The following DSCAM variants were observed in gnomAD, a reference collection of about 807,000 sequenced individuals.
The protein encoded by DSCAM is cell adhesion molecule DSCAM.
A neutral mutation model predicts 217.7 loss-of-function variants in DSCAM; 47 were observed. The observed-to-expected ratio is 0.22, with a 90% CI of 0.17 to 0.28. The LOEUF is 0.28. Ranked by LOEUF, DSCAM falls within the 10% of genes least tolerant of loss-of-function variation. DSCAM has a pLI of 1.00. For synonymous variants in DSCAM, 1,056 were observed against 1,015.3 expected (o/e 1.04, Z -0.76); for missense variants, 2,080 against 2,618.3 (o/e 0.79, Z 4.49).
At chr21:40,828,122 G>T (rs2123627412) in intron 1 of DSCAM, among the ~76,000 whole-genome samples, 1 of 152,252 alleles carries the variant, frequency 6.6e-6, no homozygotes, top group African/African-American at 2.4e-5. Context: ...GCAAGGGCAG[G>T]ACTGATGCAG....
At chr21:40,493,879 A>ATATATAT (rs1165065917) in intron 3 of DSCAM, among the ~76,000 whole-genome samples, 2 of 135,546 alleles carry the variant, frequency 1.5e-5, no homozygotes, top group South Asian at 2.4e-4. Flanking sequence ...AAAAAAAAAA[A>ATATATAT]ATATATACAT....
At chr21:40,679,734 G>A (rs922055353) in intron 3 of DSCAM, among the ~76,000 whole-genome samples, 4 of 152,066 alleles carry the variant, frequency 2.6e-5, no homozygotes, top group Non-Finnish European at 4.4e-5. Flanking sequence ...AAAAATAAAC[G>A]TTTTAATAAA....
Position 40,335,451 on chromosome 21 carries a change from T to A in DSCAM, c.1783+2650A>T, listed in dbSNP as rs190358221. The stretch of plus-strand genomic sequence containing the variant: ...ATAAGCTAGTTTGAGTTGGTTTCTG[T>A]CACTTCAAAAGGATTAAGATGAATA... On this transcript the variant is annotated intron_variant, in intron 8 of 32. Coordinates refer to ENST00000400454, the MANE Select transcript of DSCAM (RefSeq NM_001389.5). 2.0e-3 allele frequency among the ~76,000 whole-genome samples: 306 copies of A among 152,304 alleles called. 2 individuals carry two copies. The highest frequency in any genetic ancestry group is 7.1e-3 in the African/African-American group (296 of 41,578).
At chr21:40,682,892 A>G (rs1273893008) in intron 3 of DSCAM, among the ~76,000 whole-genome samples, 4 of 151,704 alleles carry the variant, frequency 2.6e-5, no homozygotes, top group Non-Finnish European at 4.4e-5. Context: ...GTCACAAGAA[A>G]TACAGTAATT....
At chr21:40,712,872 T>C (rs1233099386) in intron 1 of DSCAM, among the ~76,000 whole-genome samples, 2 of 152,034 alleles carry the variant, frequency 1.3e-5, no homozygotes, top group South Asian at 2.1e-4. Context: ...AGCGAGGTCC[T>C]GATATAGAGA....
At chr21:40,366,598 C>T (rs954931745) in intron 4 of DSCAM, among the ~76,000 whole-genome samples, 3 of 152,006 alleles carry the variant, frequency 2.0e-5, no homozygotes, top group Non-Finnish European at 4.4e-5. Flanking sequence ...TACTTATAAT[C>T]AAAACTTTTT....
At chr21:40,112,953 C>G (rs1363349765) in intron 20 of DSCAM, among the ~76,000 whole-genome samples, 2 of 152,138 alleles carry the variant, frequency 1.3e-5, no homozygotes, top group Non-Finnish European at 2.9e-5. Context: ...AAGTCCAGGA[C>G]CAGATGGATT....
intron 3 of DSCAM, among the ~76,000 whole-genome samples, chr21:40,455,692 C>A (rs762298060): frequency 2.0e-5 from 3 of 152,132 alleles, no homozygotes; most frequent in Non-Finnish European, 4.4e-5. Context: ...TCGGTTGAAT[C>A]CAGGAGGTGG....
chr21:40,512,383 T>C (rs2076266434), intron 3 of DSCAM, among the ~76,000 whole-genome samples: 1 of 152,128 alleles, frequency 6.6e-6, no homozygotes, highest in Non-Finnish European at 1.5e-5. Flanking sequence ...CTAAATCTTA[T>C]CTCTATTACT....
At chr21:40,827,857 C>T (rs756150287) in intron 1 of DSCAM, among the ~76,000 whole-genome samples, 2 of 152,160 alleles carry the variant, frequency 1.3e-5, no homozygotes, top group African/African-American at 2.4e-5. Context: ...AAGGACCTCA[C>T]ATCAAGCTGC....
At chr21:40,511,689 C>G (rs2076258229) in intron 3 of DSCAM, among the ~76,000 whole-genome samples, 1 of 152,020 alleles carries the variant, frequency 6.6e-6, no homozygotes, top group Admixed American at 6.6e-5. Flanking sequence ...ACTCTTTCAC[C>G]AACCTACAAA....
intron 1 of DSCAM, among the ~76,000 whole-genome samples, chr21:40,790,186 T>C (rs1164016324): frequency 1.4e-5 from 2 of 142,348 alleles, no homozygotes; most frequent in Non-Finnish European, 3.1e-5. Flanking sequence ...CTTTCTTTTT[T>C]TTTTTTTTTT....
At chr21:40,749,742 G>T (rs1251679438) in intron 1 of DSCAM, among the ~76,000 whole-genome samples, 1 of 152,162 alleles carries the variant, frequency 6.6e-6, no homozygotes, top group African/African-American at 2.4e-5. Flanking sequence ...TAAAGGAAAT[G>T]AAATCAGTGT....
At chr21:40,428,856 A>C (rs886523231) in intron 3 of DSCAM, among the ~76,000 whole-genome samples, 1 of 151,980 alleles carries the variant, frequency 6.6e-6, no homozygotes, top group Admixed American at 6.6e-5. Context: ...ACACACACAC[A>C]CCATTTCATG....
chr21:40,048,499 A>G (rs1011169022), intron 30 of DSCAM, among the ~76,000 whole-genome samples: 1 of 152,202 alleles, frequency 6.6e-6, no homozygotes, highest in Non-Finnish European at 1.5e-5. Flanking sequence ...TAAATAGCAA[A>G]TTGTTATGAT....
chr21:40,314,935 A>C (rs1009688970), intron 8 of DSCAM, among the ~76,000 whole-genome samples: 34 of 152,172 alleles, frequency 2.2e-4, no homozygotes, highest in African/African-American at 7.5e-4. Context: ...TCAGTTTCTT[A>C]GCATTTGTTC....
chr21:40,154,497 GC>G (rs1297427637), intron 16 of DSCAM, among the ~76,000 whole-genome samples: 1 of 151,988 alleles, frequency 6.6e-6, no homozygotes, highest in Admixed American at 6.6e-5. Flanking sequence ...TAAATAATCT[GC>G]CCAACTCAGC....
chr21:40,344,099 A>G (rs1461490956), intron 6 of DSCAM, among the ~76,000 whole-genome samples: 2 of 151,990 alleles, frequency 1.3e-5, no homozygotes, highest in African/African-American at 4.8e-5. Flanking sequence ...GGATTTTGCC[A>G]TGTTGGCCAG....
At chr21:40,649,427 T>C (rs549788809) in intron 3 of DSCAM, among the ~76,000 whole-genome samples, 3 of 152,306 alleles carry the variant, frequency 2.0e-5, no homozygotes, top group South Asian at 4.1e-4. Flanking sequence ...CATTAGATAA[T>C]GCGTGGTCTC....
Sources: allele counts gnomAD v4.1 joint callset (sites outside exome capture counted in the v4.1 genomes callset), GRCh38; gene constraint gnomAD v4.1.1; transcripts MANE v1.5; gene names NCBI Gene and HGNC (gene_info 2026-07-23, HGNC 2026-07-21).